PCDHGB1: variants seen among roughly 807,000 people sequenced by gnomAD.
PCDHGB1 encodes protocadherin gamma subfamily B, 1, also known as protocadherin gamma-B1.
PCDHGB1 carries 34 observed loss-of-function variants against 56.6 expected under a neutral mutation model. The ratio of observed to expected loss-of-function variants is 0.60; its 90% CI spans 0.46 to 0.80. PCDHGB1 has a LOEUF of 0.80. PCDHGB1 is among the 30% of genes least tolerant of loss of function. The probability of loss-of-function intolerance (pLI) is 0.00; values close to 1 mark genes in which losing one functional copy is unlikely to be tolerated. For missense variants in PCDHGB1, 1,278 were observed against 1,204.6 expected (o/e 1.06, Z -0.90); for synonymous variants, 561 against 505.9 (o/e 1.11, Z -1.46).
chr5:141,486,843 A>G lies in PCDHGB1; in HGVS notation c.2410-7964A>G, dbSNP rs1455684942. On this transcript the variant is annotated intron_variant, in intron 1 of 3. Coordinates refer to ENST00000523390, the MANE Select transcript of PCDHGB1 (RefSeq NM_018922.3). The surrounding 1 kb of genome is among the most constrained non-coding windows in gnomAD (Gnocchi z 5.0). ...GTAACAGTTCGTCTATTTGTGCTGG[A>G]CCTCAATGACAATGCTCCAGCTGTG... 6.2e-7 allele frequency: 1 copy of G among 1,614,214 alleles called. No homozygotes were observed. Among genetic ancestry groups the G allele is most frequent in the Admixed American group, 1.7e-5 (1 of 60,034 alleles).
intron 2 of PCDHGB1, among the ~76,000 whole-genome samples, chr5:141,503,614 A>G (rs1595875970): frequency 6.6e-6 from 1 of 151,640 alleles, no homozygotes; most frequent in South Asian, 2.1e-4. Flanking sequence ...AAAAAAAAAA[A>G]GAAAAAAGAA....
At chr5:141,465,644 A>G (rs1320011410) in intron 1 of PCDHGB1, among the ~76,000 whole-genome samples, 2 of 152,186 alleles carry the variant, frequency 1.3e-5, no homozygotes, top group African/African-American at 4.8e-5. Context: ...TGCTTTGAAC[A>G]TCCCAAAAAA....
chr5:141,431,674 G>A lies in PCDHGB1; in HGVS notation c.2410-63133G>A, dbSNP rs756385496. ...ATTCAGGGACAATATCAACAATAGG[G>A]GAGTTGGACCACGAGGAGTCAGGAT... On this transcript the variant is annotated intron_variant, in intron 1 of 3. Transcript: ENST00000523390. The surrounding 1 kb of genome is among the most constrained non-coding windows in gnomAD (Gnocchi z 4.8). 4 of 1,614,234 alleles carry A rather than the reference G, an allele frequency of 2.5e-6. No individual in the cohort carries two copies. The Admixed American group carries it at 6.7e-5, about 27-fold the overall frequency.
intron 3 of PCDHGB1, 77 bp downstream of exon 3, chr5:141,505,558 C>T (rs945428797): frequency 3.7e-6 from 6 of 1,605,016 alleles, no homozygotes; most frequent in African/African-American, 1.3e-5. Context: ...ACCATGCCCA[C>T]GGACTGGATG....
chr5:141,500,367 C>A (rs953610460), intron 2 of PCDHGB1, among the ~76,000 whole-genome samples: 7 of 151,940 alleles, frequency 4.6e-5, no homozygotes, highest in African/African-American at 1.7e-4. Context: ...CACTACCACG[C>A]CCGGCTAATT....
At chr5:141,356,013 A>C (rs776571171) in intron 1 of PCDHGB1, 1 of 1,613,968 alleles carries the variant, frequency 6.2e-7, no homozygotes, top group East Asian at 2.2e-5. Flanking sequence ...ATCCAGATGA[A>C]GGAGCCAATG....
rs549842756 is a variant in PCDHGB1 at position 141,470,331 on chromosome 5, A to T, written c.2410-24476A>T. ...TTTCCTCAAATGATCCCATAATTTG[A>T]CCTTAGGAAGCTGTTCAAATAGACA... is the stretch of plus-strand genomic sequence containing the variant. On this transcript the variant is annotated intron_variant, in intron 1 of 3. Transcript: ENST00000523390. 3.3e-4 allele frequency among the ~76,000 whole-genome samples: 50 copies of T among 152,244 alleles called. 1 individual carries two copies. Among genetic ancestry groups the T allele is most frequent in the African/African-American group, 1.1e-3 (47 of 41,536 alleles).
At chr5:141,372,125 G>A in intron 1 of PCDHGB1, 2 of 1,613,718 alleles carry the variant, frequency 1.2e-6, no homozygotes, top group East Asian at 2.2e-5. Context: ...TCTTCGATAT[G>A]GTGCCGCGCT....
At chr5:141,483,694 C>T (rs915328297) in intron 1 of PCDHGB1, among the ~76,000 whole-genome samples, 3 of 151,952 alleles carry the variant, frequency 2.0e-5, no homozygotes, top group African/African-American at 4.8e-5. Flanking sequence ...AGCCAGATTC[C>T]TCTTTTTGAC....
intron 1 of PCDHGB1, chr5:141,356,995 G>T (rs372951385): frequency 4.3e-6 from 7 of 1,614,184 alleles, no homozygotes; most frequent in East Asian, 2.2e-5. Context: ...CAGAGACTCA[G>T]GTCAGAATGC....
At chr5:141,357,628 C>G in intron 1 of PCDHGB1, 1 of 1,613,256 alleles carries the variant, frequency 6.2e-7, no homozygotes, top group Middle Eastern at 1.7e-4. Context: ...TCAGGTGAGT[C>G]AATCTTATAA....
intron 1 of PCDHGB1, chr5:141,370,596 G>T: frequency 6.2e-7 from 1 of 1,613,936 alleles, no homozygotes. Context: ...GAACCTGCGG[G>T]TTATTGCAGA....
intron 1 of PCDHGB1, among the ~76,000 whole-genome samples, chr5:141,359,477 G>T (rs1761224775): frequency 1.3e-5 from 2 of 151,182 alleles, no homozygotes; most frequent in South Asian, 4.2e-4. Flanking sequence ...ACAAATTGTT[G>T]TATATTCATA....
chr5:141,404,685 C>T (rs554522683), intron 1 of PCDHGB1: 1 of 1,614,010 alleles, frequency 6.2e-7, no homozygotes, highest in South Asian at 1.1e-5. Flanking sequence ...GTGGAGCTGG[C>T]ACCCCGCTCT....
At chr5:141,410,369 A>G in intron 1 of PCDHGB1, 1 of 1,613,954 alleles carries the variant, frequency 6.2e-7, no homozygotes. Context: ...CAGCCCTGCT[A>G]CTTGGGACTG....
intron 1 of PCDHGB1, among the ~76,000 whole-genome samples, chr5:141,472,346 C>G (rs1393301393): frequency 6.6e-6 from 1 of 151,722 alleles, no homozygotes; most frequent in Non-Finnish European, 1.5e-5. Flanking sequence ...TCGAGACCAT[C>G]CTGGCTAACA....
At chr5:141,415,392 G>T in intron 1 of PCDHGB1, 1 of 1,614,238 alleles carries the variant, frequency 6.2e-7, no homozygotes, top group Non-Finnish European at 8.5e-7. Context: ...TGACAGGTGT[G>T]TCCGGCTCGC....
At chr5:141,415,754 T>TTG in intron 1 of PCDHGB1, 4 of 1,385,736 alleles carry the variant, frequency 2.9e-6, no homozygotes, top group South Asian at 1.7e-5. Flanking sequence ...TTTTTTTTTT[T>TTG]TTTTTTTTTT....
chr5:141,409,018 G>T lies in PCDHGB1; in HGVS notation c.2409+56349G>T, dbSNP rs369210340. The T allele has an allele frequency of 4.0e-5, 64 of 1,613,814 alleles. No individual in the cohort carries two copies. The Admixed American group carries it at 1.1e-3, about 27-fold the overall frequency. ...TGACAGCCACTGACCAGGATGAGGG[G>T]GTCAATGCTGAGATAAACTACTACT... On this transcript the variant is annotated intron_variant, in intron 1 of 3. Transcript: ENST00000523390.
Sources: gnomAD v4.1 joint callset for allele counts (sites outside exome capture counted in the v4.1 genomes callset) on GRCh38, gnomAD v4.1.1 for gene constraint, Gnocchi (gnomAD v3.1) non-coding constraint, MANE v1.5 for transcripts, NCBI Gene and HGNC (gene_info 2026-07-23, HGNC 2026-07-21) for gene names.